The following GRHL2 variants were observed in gnomAD, a reference collection of about 807,000 sequenced individuals.
GRHL2 encodes grainyhead like transcription factor 2, also known as grainyhead-like protein 2 homolog.
Under a neutral mutation model 83.8 loss-of-function variants are expected in GRHL2, and 21 were observed. The observed-to-expected ratio is 0.25, with a 90% confidence interval of 0.18 to 0.36. The LOEUF is 0.36. Ranked by LOEUF, GRHL2 falls within the 10% of genes least tolerant of loss-of-function variation. The pLI is 1.00. For missense variants in GRHL2, 623 were observed against 781.8 expected, an observed-to-expected ratio of 0.80 and a Z score of 2.42; for synonymous variants, 280 against 278.9, an observed-to-expected ratio of 1.00 and a Z score of -0.04.
At position 101,649,879 on chromosome 8, in the gene GRHL2, TATG is replaced by T. The variant is rs541118538; in HGVS notation, c.1698+383_1698+385del. Among the ~76,000 whole-genome samples the T allele has an allele frequency of 5.5e-4, 84 of 152,202 alleles. 1 individual carries two copies. Among genetic ancestry groups the T allele is most frequent in the Non-Finnish European group, 9.4e-4 (64 of 67,990 alleles). On this transcript the variant is annotated intron_variant, in intron 14 of 15. Transcript: ENST00000646743. ...CCGTGATGGTGTAGTCCAAAAGAAATATGATCTCTTGGTTAAGAAAAAAAAATA... is the reference window on the plus strand; with the variant it reads ...CCGTGATGGTGTAGTCCAAAAGAAATATCTCTTGGTTAAGAAAAAAAAATA...
the GRHL2 span, among the ~76,000 whole-genome samples, chr8:101,677,008 C>T: frequency 6.6e-6 from 1 of 151,154 alleles, no homozygotes; most frequent in Non-Finnish European, 1.5e-5. Flanking sequence ...GGGAATTGAA[C>T]AATGAGAACA....
At chr8:101,516,346 C>T (rs1183501734) in intron 1 of GRHL2, among the ~76,000 whole-genome samples, 1 of 151,648 alleles carries the variant, frequency 6.6e-6, no homozygotes, top group South Asian at 2.1e-4. Context: ...ATAGTAGTTT[C>T]CCCTACTCTT....
intron 1 of GRHL2, among the ~76,000 whole-genome samples, chr8:101,522,038 T>C (rs1810696097): frequency 6.6e-6 from 1 of 152,188 alleles, no homozygotes; most frequent in Non-Finnish European, 1.5e-5. Context: ...GGAAGCTGTT[T>C]GTAATTTTGG....
At chr8:101,624,802 AG>A (rs1328361695) in intron 9 of GRHL2, among the ~76,000 whole-genome samples, 1 of 152,192 alleles carries the variant, frequency 6.6e-6, no homozygotes, top group Non-Finnish European at 1.5e-5. Flanking sequence ...GAAATATTGA[AG>A]GTACAGACAG....
chr8:101,639,922 G>A (rs1342491186), intron 12 of GRHL2, among the ~76,000 whole-genome samples: 1 of 152,196 alleles, frequency 6.6e-6, no homozygotes, highest in African/African-American at 2.4e-5. Flanking sequence ...GCAAATGAGT[G>A]CTTAAAATCA....
intron 3 of GRHL2, among the ~76,000 whole-genome samples, chr8:101,553,318 G>A (rs1811423265): frequency 6.6e-6 from 1 of 152,192 alleles, no homozygotes; most frequent in Admixed American, 6.5e-5. Flanking sequence ...TCAAGAACCA[G>A]CTGAAAAGCA....
Position 101,557,256 on chromosome 8 carries a change from G to A in GRHL2, c.285-1163G>A, listed in dbSNP as rs1032317294. Among the ~76,000 whole-genome samples, 28 of 128,216 alleles carry A rather than the reference G, an allele frequency of 2.2e-4. No individual in the cohort carries two copies. The East Asian group carries it at 5.5e-3, about 25-fold the overall frequency. 84.1% of individuals were successfully genotyped at this position (128,216 alleles called of 152,430 possible). A position where few individuals can be genotyped will look rare whatever the true frequency, so the allele number is the denominator to read the frequency against. On this transcript the variant is annotated intron_variant, in intron 3 of 15. Coordinates refer to ENST00000646743, the MANE Select transcript of GRHL2 (RefSeq NM_024915.4). ...TTTTTTTTTTTTGAGACAGAGTCTCGCTCTGTCCCCCAGGTTGGATTGCAG... is the reference window on the plus strand; with the variant it reads ...TTTTTTTTTTTTGAGACAGAGTCTCACTCTGTCCCCCAGGTTGGATTGCAG...
At chr8:101,653,931 G>A (rs1813730089) in intron 14 of GRHL2, among the ~76,000 whole-genome samples, 1 of 152,176 alleles carries the variant, frequency 6.6e-6, no homozygotes, top group African/African-American at 2.4e-5. Context: ...GTCTGATTCT[G>A]CCCTAAGGTC....
At chr8:101,504,242 T>C (rs2129980551) in intron 1 of GRHL2, among the ~76,000 whole-genome samples, 1 of 152,346 alleles carries the variant, frequency 6.6e-6, no homozygotes, top group African/African-American at 2.4e-5. Context: ...TTCTGTGCTA[T>C]TCCTTAGTGA....
At chr8:101,640,352 A>G (rs1813376824) in intron 12 of GRHL2, among the ~76,000 whole-genome samples, 1 of 152,122 alleles carries the variant, frequency 6.6e-6, no homozygotes, top group Non-Finnish European at 1.5e-5. Context: ...TAAGATTCCT[A>G]TTCAGACCAT....
intron 2 of GRHL2, among the ~76,000 whole-genome samples, chr8:101,548,875 C>A (rs1429123742): frequency 6.6e-6 from 1 of 152,228 alleles, no homozygotes; most frequent in Non-Finnish European, 1.5e-5. Flanking sequence ...GCATTCACTT[C>A]CATGAATCTT....
chr8:101,628,896 C>T (rs754496151), intron 9 of GRHL2, among the ~76,000 whole-genome samples: 4 of 152,084 alleles, frequency 2.6e-5, no homozygotes, highest in Non-Finnish European at 5.9e-5. Context: ...CATAAGAAAA[C>T]TTGAACATAT....
At chr8:101,565,932 A>G (rs1323298677) in intron 4 of GRHL2, among the ~76,000 whole-genome samples, 1 of 152,212 alleles carries the variant, frequency 6.6e-6, no homozygotes, top group African/African-American at 2.4e-5. Context: ...ATCTGGATAG[A>G]TGTATGATCA....
At chr8:101,556,992 T>C (rs1342474630) in intron 3 of GRHL2, among the ~76,000 whole-genome samples, 3 of 151,958 alleles carry the variant, frequency 2.0e-5, no homozygotes, top group African/African-American at 7.3e-5. Context: ...CCCATCCCAT[T>C]CTCCAGTTCA....
intron 1 of GRHL2, among the ~76,000 whole-genome samples, chr8:101,509,187 T>TCTTTCTTTCTTTCTTCTTTCTTTATTTC: frequency 4.7e-5 from 1 of 21,094 alleles, no homozygotes; most frequent in East Asian, 8.1e-4. Flanking sequence ...TTTCTTTCTT[T>TCTTTCTTTCTTTCTTCTTTCTTTATTTC]TCTCTCTTTC....
chr8:101,643,297 A>G (rs924967543), intron 12 of GRHL2, among the ~76,000 whole-genome samples: 1 of 151,494 alleles, frequency 6.6e-6, no homozygotes, highest in Non-Finnish European at 1.5e-5. Context: ...AAGGTTTGAA[A>G]AACAGTAAGA....
At chr8:101,504,522 G>A (rs1266426619) in intron 1 of GRHL2, among the ~76,000 whole-genome samples, 1 of 152,120 alleles carries the variant, frequency 6.6e-6, no homozygotes, top group African/African-American at 2.4e-5. Flanking sequence ...GACCCCGCCT[G>A]AATGTTCATG....
chr8:101,500,056 C>G (rs1015301301), intron 1 of GRHL2, among the ~76,000 whole-genome samples: 8 of 151,934 alleles, frequency 5.3e-5, no homozygotes, highest in African/African-American at 1.9e-4. Context: ...AGCCTCACTC[C>G]AGAGTGAGAC....
At chr8:101,572,797 A>G (rs935460337) in intron 5 of GRHL2, among the ~76,000 whole-genome samples, 4 of 152,066 alleles carry the variant, frequency 2.6e-5, no homozygotes, top group African/African-American at 9.7e-5. Flanking sequence ...TTTCCTTTGT[A>G]AATTATATCA....
Sources: gnomAD v4.1 joint callset for allele counts (sites outside exome capture counted in the v4.1 genomes callset) on GRCh38, gnomAD v4.1.1 for gene constraint, MANE v1.5 for transcripts, NCBI Gene and HGNC (gene_info 2026-07-23, HGNC 2026-07-21) for gene names.